NAV2: variants seen among roughly 807,000 people sequenced by gnomAD.
NAV2 encodes helicase, APC down-regulated 1.
In NAV2, 54 loss-of-function variants were observed where a neutral mutation model predicts 223.2. That is an observed-to-expected ratio of 0.24 (90% CI 0.19 to 0.30). NAV2 has a LOEUF of 0.30. NAV2 is among the 10% of genes least tolerant of loss of function. The pLI, the probability that NAV2 is intolerant of heterozygous loss-of-function variation, is 1.00. For synonymous variants in NAV2, 1,279 were observed against 1,239.3 expected (o/e 1.03, Z -0.67); for missense variants, 2,806 against 3,147.5 (o/e 0.89, Z 2.60).
At chr11:19,942,016 T>G (rs2046444618) in intron 8 of NAV2, among the ~76,000 whole-genome samples, 1 of 152,226 alleles carries the variant, frequency 6.6e-6, no homozygotes, top group Non-Finnish European at 1.5e-5. Flanking sequence ...TTGGTCACAA[T>G]GCGATGCTCT....
intron 1 of NAV2, among the ~76,000 whole-genome samples, chr11:19,429,009 G>A (rs1228160964): frequency 6.6e-6 from 1 of 152,200 alleles, no homozygotes; most frequent in African/African-American, 2.4e-5. Context: ...AAAACAGAGA[G>A]GTCACCTGGG....
At chr11:19,707,098 G>T (rs1273131393) in intron 1 of NAV2, among the ~76,000 whole-genome samples, 4 of 152,214 alleles carry the variant, frequency 2.6e-5, no homozygotes, top group Admixed American at 1.3e-4. Context: ...AGGACTGGAA[G>T]TTGCTCTGGG....
intron 7 of NAV2, among the ~76,000 whole-genome samples, chr11:19,937,849 G>A (rs939440923): frequency 7.2e-5 from 11 of 152,088 alleles, no homozygotes; most frequent in Admixed American, 6.6e-5. Flanking sequence ...TTACATTTTC[G>A]CCAACAGGAG....
At chr11:19,560,768 A>T (rs1383872852) in intron 1 of NAV2, among the ~76,000 whole-genome samples, 1 of 152,196 alleles carries the variant, frequency 6.6e-6, no homozygotes, top group Non-Finnish European at 1.5e-5. Flanking sequence ...TGACTTCAGG[A>T]ACTACAGCTA....
intron 1 of NAV2, among the ~76,000 whole-genome samples, chr11:19,393,088 A>T (rs1406847275): frequency 6.6e-6 from 1 of 152,154 alleles, no homozygotes; most frequent in Non-Finnish European, 1.5e-5. Flanking sequence ...GAGATCTGTG[A>T]ATTGGATGAT....
At chr11:19,727,722 T>C (rs923702785) in intron 1 of NAV2, among the ~76,000 whole-genome samples, 1 of 152,212 alleles carries the variant, frequency 6.6e-6, no homozygotes, top group African/African-American at 2.4e-5. Context: ...TTTTCCCTTG[T>C]TCTGTGTAAA....
At chr11:19,934,546 C>A (rs1473734605) in intron 7 of NAV2, among the ~76,000 whole-genome samples, 1 of 152,104 alleles carries the variant, frequency 6.6e-6, no homozygotes, top group African/African-American at 2.4e-5. Context: ...AAAGTGGGGA[C>A]CCCAGGCCTT....
chr11:19,607,470 T>C (rs1278438211), intron 1 of NAV2, among the ~76,000 whole-genome samples: 5 of 152,340 alleles, frequency 3.3e-5, no homozygotes, highest in African/African-American at 1.2e-4. Flanking sequence ...CATCTGAGGT[T>C]GCAGCTGGAA....
chr11:19,674,237 G>A (rs974216499), intron 1 of NAV2, among the ~76,000 whole-genome samples: 4 of 152,194 alleles, frequency 2.6e-5, no homozygotes, highest in Admixed American at 6.5e-5. Flanking sequence ...GAAACTTCCC[G>A]AGACTGGCCT....
rs1180051256 is a variant in NAV2, at chr11:19,381,669, G to A, written c.75+30642G>A. 3.3e-5 allele frequency among the ~76,000 whole-genome samples: 5 copies of A among 152,200 alleles called. No homozygotes were observed. In the East Asian group the frequency reaches 7.7e-4, roughly 23 times the overall value. On this transcript the variant is annotated intron_variant, in intron 1 of 37. Transcript: ENST00000360655. ...TCTGAAGCGAGCTGGTGTCCTGGGA[G>A]TTGGGATTGGGAGAGGAACAGGTCA... is the stretch of plus-strand genomic sequence containing the variant.
intron 1 of NAV2, among the ~76,000 whole-genome samples, chr11:19,593,086 C>T (rs2046107755): frequency 6.6e-6 from 1 of 152,170 alleles, no homozygotes; most frequent in South Asian, 2.1e-4. Context: ...AGATACAGAA[C>T]TCTCCCCTGT....
intron 1 of NAV2, among the ~76,000 whole-genome samples, chr11:19,497,764 G>C (rs564989403): frequency 6.6e-6 from 1 of 152,058 alleles, no homozygotes; most frequent in African/African-American, 2.4e-5. Flanking sequence ...GGAGTGTCTC[G>C]GTTAGCCCAG....
At chr11:19,588,923 G>T (rs1167399649) in intron 1 of NAV2, among the ~76,000 whole-genome samples, 1 of 152,220 alleles carries the variant, frequency 6.6e-6, no homozygotes, top group African/African-American at 2.4e-5. Flanking sequence ...GTAGTTTCAT[G>T]AACTCAATGG....
At position 19,713,905 on chromosome 11, in the gene NAV2, G is replaced by A. The variant is rs1279228723; in HGVS notation, c.210G>A (p.Ala70=). Residue 70 remains alanine, a synonymous_variant, in exon 1 of 38, where the codon GCG becomes GCA. Coordinates refer to ENST00000349880, the MANE Select transcript of NAV2 (RefSeq NM_145117.5). The surrounding 1 kb of genome is among the most constrained non-coding windows in gnomAD (Gnocchi z 7.2). The part of the protein sequence containing the change: ...SQVLQGLQEP[A]GEGLPLRKSG... ...TGCTGCAGGGGCTGCAGGAGCCAGC[G>A]GGGGAGGGGCTCCCGCTGCGGAAGA... 1.9e-6 allele frequency: 3 copies of A among 1,613,526 alleles called. No homozygotes were observed. Among genetic ancestry groups the A allele is most frequent in the Non-Finnish European group, 2.5e-6 (3 of 1,179,998 alleles).
chr11:19,721,665 C>T (rs548342454), intron 1 of NAV2, among the ~76,000 whole-genome samples: 1 of 152,276 alleles, frequency 6.6e-6, no homozygotes, highest in African/African-American at 2.4e-5. Context: ...TGAGTAGCTC[C>T]TGGATGAGGA....
At chr11:19,725,069 G>T (rs758802024) in intron 1 of NAV2, among the ~76,000 whole-genome samples, 11 of 152,214 alleles carry the variant, frequency 7.2e-5, no homozygotes, top group Non-Finnish European at 1.6e-4. Context: ...TAAGATCACT[G>T]TTATTTACTG....
At chr11:19,531,845 A>T (rs1209161689) in intron 1 of NAV2, among the ~76,000 whole-genome samples, 1 of 152,214 alleles carries the variant, frequency 6.6e-6, no homozygotes. Context: ...AGCACTGTCC[A>T]TTAAGCTAGG....
chr11:19,851,616 T>C (rs1257078943), intron 3 of NAV2, among the ~76,000 whole-genome samples: 1 of 152,194 alleles, frequency 6.6e-6, no homozygotes, highest in Non-Finnish European at 1.5e-5. Flanking sequence ...TGGCTCACAG[T>C]TAATGCAAGT....
At chr11:20,064,057 A>C (rs1232822537) in intron 20 of NAV2, among the ~76,000 whole-genome samples, 1 of 152,124 alleles carries the variant, frequency 6.6e-6, no homozygotes, top group African/African-American at 2.4e-5. Flanking sequence ...AAATTTCATC[A>C]CTAAGTCCTA....
Sources: gnomAD v4.1 joint callset for allele counts (sites outside exome capture counted in the v4.1 genomes callset) on GRCh38, gnomAD v4.1.1 for gene constraint, Gnocchi (gnomAD v3.1) non-coding constraint, MANE v1.5 for transcripts, NCBI Gene and HGNC (gene_info 2026-07-23, HGNC 2026-07-21) for gene names.